CCBE1: variants seen among roughly 807,000 people sequenced by gnomAD.
CCBE1 encodes collagen and calcium binding EGF domains 1.
A neutral mutation model predicts 50.0 loss-of-function variants in CCBE1; 37 were observed. The ratio of observed to expected loss-of-function variants is 0.74; its 90% CI spans 0.57 to 0.97. The LOEUF is 0.97. CCBE1 is among the 50% of genes least tolerant of loss of function. The pLI is 0.00. For synonymous variants in CCBE1, 234 were observed against 203.7 expected (o/e 1.15, Z -1.27); for missense variants, 538 against 523.8 (o/e 1.03, Z -0.26).
chr18:59,601,517 C>CCT (rs1255942157), intron 2 of CCBE1, among the ~76,000 whole-genome samples: 1 of 152,122 alleles, frequency 6.6e-6, no homozygotes, highest in East Asian at 1.9e-4. Context: ...GTCCATTAAA[C>CCT]CTCTTTCCTT....
At chr18:59,570,276 C>A (rs1395249186) in intron 2 of CCBE1, among the ~76,000 whole-genome samples, 3 of 152,128 alleles carry the variant, frequency 2.0e-5, no homozygotes, top group Admixed American at 1.3e-4. Context: ...GGGAGAGGAA[C>A]AATAAGGTGG....
intron 2 of CCBE1, among the ~76,000 whole-genome samples, chr18:59,603,362 G>A (rs973005697): frequency 6.6e-6 from 1 of 152,158 alleles, no homozygotes; most frequent in African/African-American, 2.4e-5. Context: ...TAAGGTTCTT[G>A]TAAAGTTTTT....
intron 2 of CCBE1, among the ~76,000 whole-genome samples, chr18:59,565,535 T>C (rs2052810033): frequency 6.6e-6 from 1 of 152,222 alleles, no homozygotes; most frequent in Admixed American, 6.5e-5. Flanking sequence ...CACTGAGGCC[T>C]ACTGCACATA....
At chr18:59,684,563 C>T (rs537331822) in intron 2 of CCBE1, among the ~76,000 whole-genome samples, 1 of 152,222 alleles carries the variant, frequency 6.6e-6, no homozygotes, top group Non-Finnish European at 1.5e-5. Flanking sequence ...TTGTGTTTTG[C>T]CAGCCTCAAA....
intron 2 of CCBE1, among the ~76,000 whole-genome samples, chr18:59,567,101 T>G (rs1427679202): frequency 1.3e-5 from 2 of 152,140 alleles, no homozygotes; most frequent in African/African-American, 2.4e-5. Flanking sequence ...GAAAGAGGTT[T>G]TAAACGCATT....
intron 2 of CCBE1, among the ~76,000 whole-genome samples, chr18:59,577,820 G>A (rs991960129): frequency 7.2e-5 from 11 of 152,280 alleles, no homozygotes; most frequent in Admixed American, 1.3e-4. Flanking sequence ...TTCAATAGAA[G>A]ATGCCTGTTT....
chr18:59,612,788 G>C (rs919383701), intron 2 of CCBE1, among the ~76,000 whole-genome samples: 2 of 149,160 alleles, frequency 1.3e-5, no homozygotes, highest in Non-Finnish European at 3.0e-5. Flanking sequence ...CAAAGTAGTA[G>C]GGAAAAGAAC....
At chr18:59,546,196 G>A (rs540408666) in intron 2 of CCBE1, among the ~76,000 whole-genome samples, 6 of 152,166 alleles carry the variant, frequency 3.9e-5, no homozygotes, top group Admixed American at 6.5e-5. Context: ...ATAGCCTTTC[G>A]TTTTCATTTG....
At chr18:59,632,477 T>G (rs553530284) in intron 2 of CCBE1, among the ~76,000 whole-genome samples, 4 of 152,358 alleles carry the variant, frequency 2.6e-5, no homozygotes, top group African/African-American at 9.6e-5. Flanking sequence ...TTTCACTATG[T>G]TGGCCAGGCT....
intron 2 of CCBE1, among the ~76,000 whole-genome samples, chr18:59,592,069 T>A (rs1002826297): frequency 6.6e-5 from 10 of 152,164 alleles, no homozygotes; most frequent in South Asian, 2.1e-4. Context: ...ACCAACAACA[T>A]TATATGAAGC....
intron 2 of CCBE1, among the ~76,000 whole-genome samples, chr18:59,491,573 G>A (rs905223691): frequency 1.3e-5 from 2 of 149,688 alleles, no homozygotes; most frequent in African/African-American, 4.9e-5. Context: ...CAGCATTTTG[G>A]GAAGCCAAGG....
chr18:59,565,089 G>C (rs2052800805), intron 2 of CCBE1, among the ~76,000 whole-genome samples: 1 of 152,214 alleles, frequency 6.6e-6, no homozygotes, highest in South Asian at 2.1e-4. Flanking sequence ...GGGGAGAACA[G>C]ACAGTGAGGT....
At chr18:59,574,432 C>T (rs1045849481) in intron 2 of CCBE1, among the ~76,000 whole-genome samples, 2 of 152,124 alleles carry the variant, frequency 1.3e-5, no homozygotes, top group South Asian at 2.1e-4. Flanking sequence ...ATTAGAGAAA[C>T]GGGGTCTATA....
chr18:59,649,271 C>T (rs1599100040), intron 2 of CCBE1, among the ~76,000 whole-genome samples: 1 of 152,306 alleles, frequency 6.6e-6, no homozygotes, highest in East Asian at 1.9e-4. Flanking sequence ...TCCCCTCCTG[C>T]CCCTCCCTAC....
At chr18:59,558,832 A>G (rs2564497) in intron 2 of CCBE1, among the ~76,000 whole-genome samples, 114,155 of 152,176 alleles carry the variant, frequency 0.75, 43,145 homozygotes, top group East Asian at 0.88. Flanking sequence ...TCCAGCAGCC[A>G]AGACAGGGTG....
At chr18:59,651,413 C>A (rs1020087040) in intron 2 of CCBE1, among the ~76,000 whole-genome samples, 2 of 152,216 alleles carry the variant, frequency 1.3e-5, no homozygotes, top group Non-Finnish European at 2.9e-5. Context: ...GGTTTTTAAA[C>A]GAGACTGCAT....
chr18:59,696,801 C>A, intron 1 of CCBE1, 92 bp from the exon 2 acceptor site: 1 of 1,362,538 alleles, frequency 7.3e-7, no homozygotes, highest in South Asian at 1.2e-5. Flanking sequence ...GTGGGGATCG[C>A]CAGGCTCCCC....
chr18:59,627,177 G>A (rs1186324885), intron 2 of CCBE1, among the ~76,000 whole-genome samples: 2 of 152,134 alleles, frequency 1.3e-5, no homozygotes, highest in African/African-American at 2.4e-5. Flanking sequence ...TCCCTCTCAT[G>A]TTAATCCTGC....
intron 2 of CCBE1, among the ~76,000 whole-genome samples, chr18:59,551,090 A>G (rs1300805563): frequency 6.6e-6 from 1 of 152,000 alleles, no homozygotes; most frequent in East Asian, 1.9e-4. Context: ...ATGCATTATA[A>G]GTTCTAAACA....
Sources: allele counts gnomAD v4.1 joint callset (sites outside exome capture counted in the v4.1 genomes callset), GRCh38; gene constraint gnomAD v4.1.1; transcripts MANE v1.5; gene names NCBI Gene and HGNC (gene_info 2026-07-23, HGNC 2026-07-21).